The following PCED1B variants were observed in gnomAD, a reference collection of about 807,000 sequenced individuals.
PCED1B encodes PC-esterase domain-containing protein 1B.
For missense variants in PCED1B, 573 were observed against 573.9 expected, an observed-to-expected ratio of 1.00 and a Z score of 0.02; for synonymous variants, 251 against 246.1, an observed-to-expected ratio of 1.02 and a Z score of -0.19.
intron 2 of PCED1B, among the ~76,000 whole-genome samples, chr12:47,141,476 G>C (rs1319997962): frequency 6.6e-6 from 1 of 152,114 alleles, no homozygotes; most frequent in Non-Finnish European, 1.5e-5. Context: ...TCTATCAAGG[G>C]ACCTGGGAGG....
intron 3 of PCED1B, among the ~76,000 whole-genome samples, chr12:47,231,875 A>C (rs1489734929): frequency 6.6e-6 from 1 of 152,152 alleles, no homozygotes; most frequent in Admixed American, 6.5e-5. Context: ...GGAGCCCTGA[A>C]AACACAATAG....
chr12:47,118,526 CTCTGT>C (rs1213446994), intron 2 of PCED1B, among the ~76,000 whole-genome samples: 3 of 152,080 alleles, frequency 2.0e-5, no homozygotes, highest in Non-Finnish European at 4.4e-5. Context: ...TTTCTGAGGG[CTCTGT>C]TCTGTTCCAT....
At chr12:47,137,850 G>A (rs1940445724) in intron 2 of PCED1B, among the ~76,000 whole-genome samples, 1 of 151,872 alleles carries the variant, frequency 6.6e-6, no homozygotes, top group Admixed American at 6.6e-5. Context: ...AATCTACATC[G>A]CTTCCAGAGA....
At chr12:47,176,596 T>C (rs1208327609) in intron 2 of PCED1B, among the ~76,000 whole-genome samples, 3 of 152,200 alleles carry the variant, frequency 2.0e-5, no homozygotes, top group Admixed American at 6.5e-5. Context: ...AAAATATCCT[T>C]TCTAATAAGT....
chr12:47,186,557 T>G (rs1017141830), intron 2 of PCED1B, among the ~76,000 whole-genome samples: 16 of 152,114 alleles, frequency 1.1e-4, no homozygotes, highest in African/African-American at 3.9e-4. Context: ...TCATCCTGGG[T>G]CTGCTTTTTC....
intron 2 of PCED1B, among the ~76,000 whole-genome samples, chr12:47,170,402 T>G (rs1192394922): frequency 6.6e-6 from 1 of 152,192 alleles, no homozygotes; most frequent in African/African-American, 2.4e-5. Flanking sequence ...AATGAGCTGT[T>G]GGGTACACCT....
At chr12:47,215,898 T>C (rs774607862) in intron 2 of PCED1B, among the ~76,000 whole-genome samples, 3 of 147,588 alleles carry the variant, frequency 2.0e-5, no homozygotes, top group Non-Finnish European at 4.5e-5. Flanking sequence ...CTACTAAAAA[T>C]ACAAAATCAG....
chr12:47,115,563 TC>T (rs1413683410), intron 2 of PCED1B, among the ~76,000 whole-genome samples: 1 of 152,050 alleles, frequency 6.6e-6, no homozygotes, highest in East Asian at 1.9e-4. Context: ...CTCTTCTCCT[TC>T]CCCTCATCTT....
chr12:47,229,319 C>G (rs1231499124), intron 3 of PCED1B, among the ~76,000 whole-genome samples: 2 of 151,224 alleles, frequency 1.3e-5, no homozygotes, highest in Non-Finnish European at 2.9e-5. Flanking sequence ...GAGGCCAAGA[C>G]AGGAGAATCG....
At chr12:47,143,521 C>G (rs1940673862) in intron 2 of PCED1B, among the ~76,000 whole-genome samples, 1 of 151,854 alleles carries the variant, frequency 6.6e-6, no homozygotes, top group Admixed American at 6.6e-5. Flanking sequence ...ATAAATTTAA[C>G]CAAGGAGATG....
chr12:47,124,291 A>G (rs1939797933), intron 2 of PCED1B, among the ~76,000 whole-genome samples: 1 of 151,958 alleles, frequency 6.6e-6, no homozygotes, highest in Non-Finnish European at 1.5e-5. Context: ...TCTTTTGTCT[A>G]GTTTTTTCAC....
chr12:47,192,124 C>T (rs1243724161), intron 2 of PCED1B, among the ~76,000 whole-genome samples: 2 of 147,124 alleles, frequency 1.4e-5, no homozygotes, highest in Non-Finnish European at 3.0e-5. Flanking sequence ...TTATGTGGAT[C>T]TGGCTTGCTT....
At chr12:47,130,228 C>A (rs116352484) in intron 2 of PCED1B, among the ~76,000 whole-genome samples, 1,568 of 151,986 alleles carry the variant, frequency 0.01, 26 homozygotes, top group African/African-American at 0.036. Context: ...AATAAAAAGT[C>A]ACTTAATATA....
chr12:47,219,273 TA>T (rs1943400339), intron 3 of PCED1B, among the ~76,000 whole-genome samples: 1 of 152,224 alleles, frequency 6.6e-6, no homozygotes, highest in Non-Finnish European at 1.5e-5. Context: ...CTCTTTTGGG[TA>T]ATCCCTTCAG....
intron 2 of PCED1B, among the ~76,000 whole-genome samples, chr12:47,137,686 C>T (rs1940432358): frequency 6.8e-6 from 1 of 147,560 alleles, no homozygotes. Flanking sequence ...TGAAATCATG[C>T]CACTGCACTC....
intron 2 of PCED1B, among the ~76,000 whole-genome samples, chr12:47,179,141 A>G (rs575069388): frequency 6.6e-6 from 1 of 152,362 alleles, no homozygotes; most frequent in African/African-American, 2.4e-5. Flanking sequence ...TTGCAACCAC[A>G]ATTTAGAACT....
chr12:47,127,112 C>T (rs1939918578), intron 2 of PCED1B, among the ~76,000 whole-genome samples: 1 of 152,064 alleles, frequency 6.6e-6, no homozygotes, highest in African/African-American at 2.4e-5. Context: ...GACTTCAGAT[C>T]CTTCTTCTTT....
In PCED1B at chr12:47,197,919, A is replaced by T. The variant is rs964902719; in HGVS notation, c.-525-18303A>T. Among the ~76,000 whole-genome samples the T allele has an allele frequency of 2.0e-5, 3 of 152,208 alleles. No individual in the cohort carries two copies. In the South Asian group the frequency reaches 6.2e-4, roughly 31 times the overall value. ...GATAATTAATAACCATCTAAAACAG[A>T]AAGCACCAGGCCCAGATGGGTTCAC... On this transcript the variant is annotated intron_variant, in intron 2 of 3. Coordinates refer to ENST00000546455, the MANE Select transcript of PCED1B (RefSeq NM_138371.3).
chr12:47,191,678 TG>T (rs2137658868), intron 2 of PCED1B, among the ~76,000 whole-genome samples: 1 of 152,298 alleles, frequency 6.6e-6, no homozygotes, highest in African/African-American at 2.4e-5. Flanking sequence ...CAAAATAGAT[TG>T]CCCTGGGAAC....
Sources: gnomAD v4.1 joint callset for allele counts (sites outside exome capture counted in the v4.1 genomes callset) on GRCh38, gnomAD v4.1.1 for gene constraint, MANE v1.5 for transcripts, NCBI Gene and HGNC (gene_info 2026-07-23, HGNC 2026-07-21) for gene names.